Variants in CABIN1 observed in about 807,000 individuals in gnomAD.
CABIN1 encodes the protein calcineurin-binding protein cabin-1.
Under a neutral mutation model 227.7 loss-of-function variants are expected in CABIN1, and 133 were observed. The observed-to-expected ratio is 0.58, with a 90% CI of 0.51 to 0.67. The LOEUF is 0.67. CABIN1 is among the 30% of genes least tolerant of loss of function. The pLI, the probability that CABIN1 is intolerant of heterozygous loss-of-function variation, is 0.00. For missense variants in CABIN1, 2,408 were observed against 2,852.5 expected, an observed-to-expected ratio of 0.84 and a Z score of 3.55; for synonymous variants, 1,086 against 1,155.1, an observed-to-expected ratio of 0.94 and a Z score of 1.21.
intron 1 of CABIN1, among the ~76,000 whole-genome samples, chr22:24,019,642 T>C (rs1200705202): frequency 2.7e-5 from 4 of 150,696 alleles, no homozygotes; most frequent in Non-Finnish European, 4.4e-5. Flanking sequence ...TGATAGCTTT[T>C]CTTTACCCTT....
Position 24,059,359 on chromosome 22 carries a change from A to G in CABIN1, c.1395A>G (p.Glu465=). 1 of 1,614,138 alleles carries G rather than the reference A, an allele frequency of 6.2e-7. No individual in the cohort carries two copies. The highest frequency in any genetic ancestry group is 1.6e-4 in the Middle Eastern group (1 of 6,062). Reference sequence around the variant, plus strand: ...CATTTGACTCAGCCACATTCATGGAATCTGGTAGGAATCGAGCAGTGTGAC... The same window carrying G: ...CATTTGACTCAGCCACATTCATGGAGTCTGGTAGGAATCGAGCAGTGTGAC... The part of the protein sequence containing the change: ...RLSFDSATFM[E]SEKQDVHEFL... Residue 465 remains glutamate (E), a synonymous_variant, in exon 11 of 37, where the codon GAA becomes GAG. Coordinates refer to ENST00000263119, the MANE Select transcript of CABIN1 (RefSeq NM_012295.4).
In CABIN1 at chr22:24,023,877, T is replaced by C. The variant is rs373834804; in HGVS notation, c.-74-11567T>C. Reference sequence around the variant, plus strand: ...GCCTTCTGAGTAGCTGGATTACAGGTGCCTGCCACCATGCCCAGCTAATTT... The same window carrying C: ...GCCTTCTGAGTAGCTGGATTACAGGCGCCTGCCACCATGCCCAGCTAATTT... On this transcript the variant is annotated intron_variant, in intron 1 of 36. Transcript: ENST00000263119. 1.5e-3 allele frequency among the ~76,000 whole-genome samples: 233 copies of C among 152,060 alleles called. 5 individuals are homozygous for C. The South Asian group carries it at 0.035, about 23-fold the overall frequency.
At chr22:24,083,685 G>C (rs2040957385) in intron 20 of CABIN1, among the ~76,000 whole-genome samples, 1 of 152,156 alleles carries the variant, frequency 6.6e-6, no homozygotes, top group Admixed American at 6.5e-5. Context: ...GTTACTTGAG[G>C]CCAGAATTTT....
intron 16 of CABIN1, among the ~76,000 whole-genome samples, chr22:24,069,721 C>T (rs2039951324): frequency 6.6e-6 from 1 of 152,114 alleles, no homozygotes; most frequent in South Asian, 2.1e-4. Context: ...TAATGAAACA[C>T]GGGCCCCATT....
intron 7 of CABIN1, among the ~76,000 whole-genome samples, chr22:24,050,273 C>G (rs777062673): frequency 3.3e-5 from 5 of 152,162 alleles, no homozygotes; most frequent in Non-Finnish European, 7.3e-5. Context: ...CAGATAAATT[C>G]ATGAGTAGCT....
intron 5 of CABIN1, 88 bp downstream of exon 5, chr22:24,041,361 A>G: frequency 6.5e-7 from 1 of 1,533,996 alleles, no homozygotes; most frequent in Non-Finnish European, 9.0e-7. Context: ...GCCAAAAAGA[A>G]GAGTTTGTAG....
chr22:24,132,732 CGT>C (rs1403160899), intron 28 of CABIN1, among the ~76,000 whole-genome samples: 1 of 152,158 alleles, frequency 6.6e-6, no homozygotes, highest in Non-Finnish European at 1.5e-5. Flanking sequence ...GGATTAGAGG[CGT>C]GTGCCACCAT....
At chr22:24,056,128 CTGTG>C in intron 9 of CABIN1, 60 bp from the exon 10 acceptor site, 3 of 1,362,042 alleles carry the variant, frequency 2.2e-6, no homozygotes, top group Non-Finnish European at 3.2e-6. Context: ...ATTGATGTGT[CTGTG>C]TGGTGCATTT....
intron 18 of CABIN1, among the ~76,000 whole-genome samples, chr22:24,074,046 T>C (rs534800174): frequency 6.6e-6 from 1 of 152,088 alleles, no homozygotes; most frequent in East Asian, 1.9e-4. Context: ...TTTCTAGGAA[T>C]GAATATCTTT....
intron 18 of CABIN1, 75 bp downstream of exon 18, chr22:24,072,585 CT>C: frequency 6.4e-7 from 1 of 1,565,406 alleles, no homozygotes; most frequent in East Asian, 2.2e-5. Context: ...CCCTAGGGTC[CT>C]GGACCTTATC....
In CABIN1 at chr22:24,119,656, C is replaced by G. The variant is rs766819655; in HGVS notation, c.4590C>G (p.Leu1530=). The G allele has an allele frequency of 6.2e-7, 1 of 1,614,048 alleles. No homozygotes were observed. Among genetic ancestry groups the G allele is most frequent in the East Asian group, 2.2e-5 (1 of 44,886 alleles). ...GCTTCCCCCAGCACTATAAGAGTCT[C>G]TACCGTCTGGCCTTCCTCTACACCT... The part of the protein sequence containing the change: ...LSRFPQHYKS[L]YRLAFLYTYS... The change falls in exon 28 of 37, where the codon CTC becomes CTG. Residue 1530 remains leucine, a synonymous_variant. Coordinates refer to ENST00000263119, the MANE Select transcript of CABIN1 (RefSeq NM_012295.4).
At chr22:24,151,262 G>A (rs1040723484) in intron 29 of CABIN1, among the ~76,000 whole-genome samples, 2 of 152,096 alleles carry the variant, frequency 1.3e-5, no homozygotes, top group African/African-American at 4.8e-5. Context: ...GGCCGTCCAG[G>A]GAGGACACCT....
chr22:24,059,018 A>T (rs749425815), intron 10 of CABIN1, among the ~76,000 whole-genome samples: 12 of 152,240 alleles, frequency 7.9e-5, no homozygotes, highest in Non-Finnish European at 1.5e-4. Flanking sequence ...GATGAGATGA[A>T]TGACCGAGAC....
chr22:24,143,701 T>C (rs993826537), intron 29 of CABIN1, among the ~76,000 whole-genome samples: 1 of 151,866 alleles, frequency 6.6e-6, no homozygotes, highest in Non-Finnish European at 1.5e-5. Flanking sequence ...GATCGGGGGG[T>C]GCCTCCTTAG....
Position 24,178,040 on chromosome 22 carries a change from G to A in CABIN1, c.6520-13G>A, listed in dbSNP as rs2047216630. 1 of 1,613,262 alleles carries A rather than the reference G, an allele frequency of 6.2e-7. No individual in the cohort carries two copies. The highest frequency in any genetic ancestry group is 8.5e-7 in the Non-Finnish European group (1 of 1,179,910). On this transcript the variant is annotated splice_polypyrimidine_tract_variant and intron_variant, in intron 36 of 36. Coordinates refer to ENST00000263119, the MANE Select transcript of CABIN1 (RefSeq NM_012295.4). ...CCATCCTTGACCAGTGCCCCGCCCG[G>A]CCCTCTCCGCAGTCAGCCATCCTTT... is the stretch of plus-strand genomic sequence containing the variant.
chr22:24,103,213 C>T (rs1023604092), intron 26 of CABIN1: 3 of 152,136 alleles, frequency 2.0e-5, no homozygotes, highest in African/African-American at 7.2e-5. Context: ...ATGGCCTATC[C>T]TCCCAGTTCT....
At chr22:24,081,252 C>A (rs539765456) in intron 19 of CABIN1, among the ~76,000 whole-genome samples, 1 of 152,128 alleles carries the variant, frequency 6.6e-6, no homozygotes, top group Non-Finnish European at 1.5e-5. Flanking sequence ...GGATTTGGCC[C>A]ATGGGGTGGT....
At chr22:24,104,515 C>T (rs899846420) in intron 26 of CABIN1, among the ~76,000 whole-genome samples, 7 of 152,144 alleles carry the variant, frequency 4.6e-5, no homozygotes, top group African/African-American at 1.4e-4. Context: ...GCTCAGTTGG[C>T]CCTCACCTGT....
Position 24,091,863 on chromosome 22 carries a change from G to C in CABIN1, c.3786+20G>C. The C allele has an allele frequency of 6.2e-7, 1 of 1,610,876 alleles. No homozygotes were observed. On this transcript the variant is annotated intron_variant, in intron 24 of 36. Transcript: ENST00000263119. The stretch of plus-strand genomic sequence containing the variant: ...CTGGAGGTGACACCATGCTGGCCCA[G>C]GGCGGGGAAGCAGGGCAGGGGCAGG...
Sources: allele counts gnomAD v4.1 joint callset (sites outside exome capture counted in the v4.1 genomes callset), GRCh38; gene constraint gnomAD v4.1.1; transcripts MANE v1.5; gene names NCBI Gene and HGNC (gene_info 2026-07-23, HGNC 2026-07-21).